The following TPX2 variants were observed in gnomAD, a reference collection of about 807,000 sequenced individuals.
TPX2 encodes TPX2 microtubule nucleation factor.
In TPX2, 21 loss-of-function variants were observed where a neutral mutation model predicts 93.6. The ratio of observed to expected loss-of-function variants is 0.22; its 90% CI spans 0.16 to 0.32. TPX2 has a LOEUF of 0.32. TPX2 is among the 10% of genes least tolerant of loss of function. The probability of loss-of-function intolerance (pLI) is 1.00; values close to 1 mark genes in which losing one functional copy is unlikely to be tolerated. For missense variants in TPX2, 776 were observed against 871.1 expected (o/e 0.89, Z 1.37); for synonymous variants, 281 against 298.3 (o/e 0.94, Z 0.60).
At chr20:31,797,192 A>G (rs2062144043) in intron 15 of TPX2, among the ~76,000 whole-genome samples, 1 of 152,232 alleles carries the variant, frequency 6.6e-6, no homozygotes, top group Admixed American at 6.5e-5. Context: ...TCTTAAAAGT[A>G]TCTTAAAAAT....
chr20:31,775,055 G>A (rs1018752548), intron 7 of TPX2, among the ~76,000 whole-genome samples: 1 of 152,046 alleles, frequency 6.6e-6, no homozygotes, highest in African/African-American at 2.4e-5. Context: ...CACCTCCCGG[G>A]TTCTAGCGAT....
intron 15 of TPX2, among the ~76,000 whole-genome samples, chr20:31,794,943 C>T (rs2062127834): frequency 6.6e-6 from 1 of 151,768 alleles, no homozygotes; most frequent in Admixed American, 6.6e-5. Context: ...GCCTCAGCCT[C>T]CTGAGTAGCT....
rs770830447 is a variant in TPX2 at position 31,760,684 on chromosome 20, A to AT, written c.229+506dup. Among the ~76,000 whole-genome samples, 35 of 152,144 alleles carry AT rather than the reference A, an allele frequency of 2.3e-4. 1 individual carries two copies. Among genetic ancestry groups the AT allele is most frequent in the Non-Finnish European group, 4.4e-4 (30 of 68,048 alleles). Reference sequence around the variant, plus strand: ...GGCTAACATAGAATTTTATTGCCAGATACGTAACTGTTATCTTTTTGTGAC... The same window carrying AT: ...GGCTAACATAGAATTTTATTGCCAGATTACGTAACTGTTATCTTTTTGTGAC... On this transcript the variant is annotated intron_variant, in intron 4 of 17. Transcript: ENST00000300403.
At chr20:31,769,509 A>G (rs543513456) in intron 5 of TPX2, among the ~76,000 whole-genome samples, 124 of 152,008 alleles carry the variant, frequency 8.2e-4, no homozygotes, top group African/African-American at 3.0e-3. Flanking sequence ...TATTTTTAGT[A>G]GAGACGGGGT....
intron 10 of TPX2, among the ~76,000 whole-genome samples, chr20:31,779,804 A>T (rs1314049550): frequency 3.3e-5 from 5 of 152,106 alleles, no homozygotes; most frequent in African/African-American, 1.2e-4. Context: ...TAAAAGGAGG[A>T]TGGAAGAGTG....
intron 15 of TPX2, among the ~76,000 whole-genome samples, chr20:31,795,181 T>C (rs1157003937): frequency 6.6e-6 from 1 of 152,110 alleles, no homozygotes; most frequent in Non-Finnish European, 1.5e-5. Context: ...TCACCCAGGC[T>C]GGAGTGCAGT....
chr20:31,756,710 A>G (rs1001870377), intron 2 of TPX2, among the ~76,000 whole-genome samples: 4 of 151,654 alleles, frequency 2.6e-5, no homozygotes, highest in African/African-American at 9.7e-5. Flanking sequence ...TGCAACTTTC[A>G]CCTCCCAGGT....
chr20:31,756,615 T>C (rs116858684), intron 2 of TPX2, among the ~76,000 whole-genome samples: 7,986 of 152,026 alleles, frequency 0.053, 264 homozygotes, highest in Middle Eastern at 0.11. Flanking sequence ...TTATTTATTT[T>C]ATTTTTATTT....
chr20:31,742,067 G>A (rs968583538), intron 1 of TPX2, among the ~76,000 whole-genome samples: 9 of 152,122 alleles, frequency 5.9e-5, no homozygotes, highest in Non-Finnish European at 7.3e-5. Context: ...TTGGTAAAAG[G>A]GGAATAAAGA....
chr20:31,793,738 A>G, intron 13 of TPX2, 110 bp from the exon 14 acceptor site: 2 of 1,105,302 alleles, frequency 1.8e-6, no homozygotes, highest in South Asian at 2.5e-5. Flanking sequence ...ACTTCCTTTA[A>G]TTTTGTTTTA....
chr20:31,776,370 G>A (rs909176670), intron 8 of TPX2, among the ~76,000 whole-genome samples: 3 of 151,988 alleles, frequency 2.0e-5, no homozygotes, highest in Admixed American at 6.6e-5. Flanking sequence ...GTGAGCCACC[G>A]CACCCGGCCA....
chr20:31,798,704 G>C (rs1174923715), intron 17 of TPX2, 152 bp downstream of exon 17: 1 of 976,220 alleles, frequency 1.0e-6, no homozygotes, highest in Non-Finnish European at 1.5e-6. Flanking sequence ...TGAGGGTGGT[G>C]ATGAAGTTGA....
chr20:31,742,677 A>C (rs1256745361), intron 2 of TPX2, 30 bp downstream of exon 2: 1 of 152,248 alleles, frequency 6.6e-6, no homozygotes, highest in African/African-American at 2.4e-5. Context: ...AATAAGGAAC[A>C]TTAATATATC....
At chr20:31,781,756 A>G (rs1024271466) in intron 10 of TPX2, among the ~76,000 whole-genome samples, 2 of 151,876 alleles carry the variant, frequency 1.3e-5, no homozygotes, top group African/African-American at 4.8e-5. Flanking sequence ...CAGCCTGGGC[A>G]ACATAGTGAA....
At chr20:31,784,657 A>C (rs2123064051) in intron 12 of TPX2, among the ~76,000 whole-genome samples, 1 of 152,312 alleles carries the variant, frequency 6.6e-6, no homozygotes, top group Non-Finnish European at 1.5e-5. Context: ...TTCTACTGGG[A>C]GCTGTTAGTG....
chr20:31,751,443 C>A (rs1026740597), intron 2 of TPX2, among the ~76,000 whole-genome samples: 4 of 152,094 alleles, frequency 2.6e-5, no homozygotes, highest in African/African-American at 9.7e-5. Flanking sequence ...TTCCTCCTTG[C>A]AGCAAGGGGT....
rs1205385187 is a variant in TPX2, at chr20:31,780,782, TTGA to T, written c.1055-1464_1055-1462del. Among the ~76,000 whole-genome samples, 8 of 152,226 alleles carry T rather than the reference TTGA, an allele frequency of 5.3e-5. No individual in the cohort carries two copies. In the East Asian group the frequency reaches 1.5e-3, roughly 29 times the overall value. Reference sequence around the variant, plus strand: ...AATGAGTGGTGGTGATGTCTTAATATTGATGCTTTAACATAGTTTTTAACTTTC... The same window carrying T: ...AATGAGTGGTGGTGATGTCTTAATATTGCTTTAACATAGTTTTTAACTTTC... On this transcript the variant is annotated intron_variant, in intron 10 of 17. Transcript: ENST00000300403.
At chr20:31,775,082 C>T (rs2123036610) in intron 7 of TPX2, among the ~76,000 whole-genome samples, 1 of 152,126 alleles carries the variant, frequency 6.6e-6, no homozygotes, top group Middle Eastern at 3.4e-3. Flanking sequence ...GCCTCAGCCT[C>T]CCGAGTAGCT....
At chr20:31,768,753 A>T (rs559862665) in intron 5 of TPX2, among the ~76,000 whole-genome samples, 75 of 152,334 alleles carry the variant, frequency 4.9e-4, no homozygotes, top group African/African-American at 1.7e-3. Flanking sequence ...ATTAGTAAAG[A>T]ATTGACAAGC....
Sources: gnomAD v4.1 joint callset for allele counts (sites outside exome capture counted in the v4.1 genomes callset) on GRCh38, gnomAD v4.1.1 for gene constraint, MANE v1.5 for transcripts, NCBI Gene and HGNC (gene_info 2026-07-23, HGNC 2026-07-21) for gene names.